Variants in FUT8 observed in about 807,000 individuals in gnomAD.
The protein encoded by FUT8 is fucosyltransferase 8, also known as alpha-(1,6)-fucosyltransferase.
In FUT8, 29 loss-of-function variants were observed where a neutral mutation model predicts 71.3. The observed-to-expected ratio is 0.41, with a 90% CI of 0.30 to 0.55. FUT8 has a LOEUF of 0.55. Among genes scored for constraint, FUT8 ranks in the 20% least tolerant of loss-of-function variants. The probability of loss-of-function intolerance (pLI) is 0.34; values close to 1 mark genes in which losing one functional copy is unlikely to be tolerated. For missense variants in FUT8, 544 were observed against 702.1 expected (o/e 0.77, Z 2.55); for synonymous variants, 254 against 239.3 (o/e 1.06, Z -0.57).
chr14:65,490,687 C>T (rs1339038378), intron 2 of FUT8, among the ~76,000 whole-genome samples: 1 of 152,148 alleles, frequency 6.6e-6, no homozygotes, highest in Non-Finnish European at 1.5e-5. Flanking sequence ...ATCTATGTCA[C>T]ATCCCTCCCT....
chr14:65,485,180 A>T (rs994013801), intron 2 of FUT8, among the ~76,000 whole-genome samples: 2 of 152,038 alleles, frequency 1.3e-5, no homozygotes, highest in African/African-American at 4.8e-5. Flanking sequence ...CTATTAAAAA[A>T]AATAATAATA....
intron 2 of FUT8, among the ~76,000 whole-genome samples, chr14:65,492,794 T>G (rs1331152223): frequency 6.6e-6 from 1 of 152,170 alleles, no homozygotes; most frequent in Non-Finnish European, 1.5e-5. Flanking sequence ...GAGATTCAGC[T>G]TACCTATATT....
At chr14:65,471,170 C>A in intron 2 of FUT8, 1 of 269,416 alleles carries the variant, frequency 3.7e-6, no homozygotes, top group Non-Finnish European at 7.5e-6. Flanking sequence ...GAACTTTCCC[C>A]CTCATCCCTC....
intron 2 of FUT8, among the ~76,000 whole-genome samples, chr14:65,495,093 C>G (rs1332781052): frequency 6.6e-6 from 1 of 151,358 alleles, no homozygotes; most frequent in Non-Finnish European, 1.5e-5. Flanking sequence ...CTTTCTGGAA[C>G]CTTTCAGAAC....
chr14:65,527,218 G>A (rs1304969747), intron 2 of FUT8, among the ~76,000 whole-genome samples: 2 of 152,102 alleles, frequency 1.3e-5, no homozygotes, highest in Non-Finnish European at 2.9e-5. Context: ...CGTAGATTTG[G>A]TCTTTTCACA....
intron 3 of FUT8, among the ~76,000 whole-genome samples, chr14:65,592,672 GA>G (rs1451239058): frequency 1.3e-5 from 2 of 152,156 alleles, no homozygotes; most frequent in East Asian, 3.8e-4. Context: ...AACATCCTTA[GA>G]AGTTTTCATG....
intron 1 of FUT8, among the ~76,000 whole-genome samples, chr14:65,443,631 G>C (rs1366764326): frequency 6.6e-6 from 1 of 151,070 alleles, no homozygotes; most frequent in East Asian, 1.9e-4. Context: ...AAAGCAAGAA[G>C]ACTGCTTGAG....
intron 7 of FUT8, among the ~76,000 whole-genome samples, chr14:65,716,409 G>A (rs1248137922): frequency 6.8e-6 from 1 of 147,674 alleles, no homozygotes; most frequent in Non-Finnish European, 1.5e-5. Flanking sequence ...GAAAATAATG[G>A]AATTTATTCT....
chr14:65,609,624 C>G (rs1315199635), intron 3 of FUT8, among the ~76,000 whole-genome samples: 1 of 151,876 alleles, frequency 6.6e-6, no homozygotes, highest in Non-Finnish European at 1.5e-5. Flanking sequence ...TGTCTTTATA[C>G]TAGTACCTCA....
intron 3 of FUT8, among the ~76,000 whole-genome samples, chr14:65,597,813 C>T (rs1008824571): frequency 2.6e-5 from 4 of 152,104 alleles, no homozygotes; most frequent in Admixed American, 6.5e-5. Context: ...ATCAGTTTAA[C>T]ATTGAGCCAG....
chr14:65,543,251 T>A (rs1055743818), intron 2 of FUT8, among the ~76,000 whole-genome samples: 1 of 152,218 alleles, frequency 6.6e-6, no homozygotes, highest in African/African-American at 2.4e-5. Context: ...TGCACGTAAA[T>A]ATAAATGAGT....
intron 7 of FUT8, among the ~76,000 whole-genome samples, chr14:65,708,458 T>C (rs1894662467): frequency 6.6e-6 from 1 of 152,262 alleles, no homozygotes; most frequent in Non-Finnish European, 1.5e-5. Context: ...ATAATATTAG[T>C]TCTTCCAATC....
At chr14:65,456,575 A>T (rs747997119) in intron 2 of FUT8, among the ~76,000 whole-genome samples, 1 of 151,970 alleles carries the variant, frequency 6.6e-6, no homozygotes, top group Non-Finnish European at 1.5e-5. Flanking sequence ...ATGTGACTCT[A>T]TGTTCTTTAA....
intron 2 of FUT8, among the ~76,000 whole-genome samples, chr14:65,458,529 C>T (rs2065927456): frequency 6.6e-6 from 1 of 152,056 alleles, no homozygotes; most frequent in Non-Finnish European, 1.5e-5. Context: ...AACTGTAGTT[C>T]ATTATTTGTT....
At chr14:65,415,648 T>C (rs1034131970) in intron 1 of FUT8, among the ~76,000 whole-genome samples, 1 of 151,902 alleles carries the variant, frequency 6.6e-6, no homozygotes, top group African/African-American at 2.4e-5. Flanking sequence ...AATTGTGTGG[T>C]AAGCTAGGTA....
chr14:65,616,143 C>T (rs911210128), intron 4 of FUT8, 50 bp downstream of exon 4: 7 of 1,593,864 alleles, frequency 4.4e-6, no homozygotes, highest in Admixed American at 1.8e-5. Context: ...GGCTTTAGCA[C>T]AGATAATTGA....
intron 7 of FUT8, among the ~76,000 whole-genome samples, chr14:65,700,352 T>C (rs1894218382): frequency 6.6e-6 from 1 of 150,896 alleles, no homozygotes; most frequent in African/African-American, 2.4e-5. Flanking sequence ...TTTTACATGC[T>C]CTTAAACTAC....
the FUT8 span, among the ~76,000 whole-genome samples, chr14:65,401,911 A>G: frequency 6.6e-6 from 1 of 151,628 alleles, no homozygotes; most frequent in African/African-American, 2.4e-5. Context: ...AAAAAAAAAA[A>G]AAAAAAGGGA....
At chr14:65,456,892 T>C (rs529597566) in intron 2 of FUT8, among the ~76,000 whole-genome samples, 2 of 151,956 alleles carry the variant, frequency 1.3e-5, no homozygotes, top group Non-Finnish European at 2.9e-5. Context: ...AAAAAATTTT[T>C]TTTTGCATTG....
Sources: allele counts gnomAD v4.1 joint callset (sites outside exome capture counted in the v4.1 genomes callset), GRCh38; gene constraint gnomAD v4.1.1; transcripts MANE v1.5; gene names NCBI Gene and HGNC (gene_info 2026-07-23, HGNC 2026-07-21).